The following LPAR3 variants were observed in gnomAD, a reference collection of about 807,000 sequenced individuals.
LPAR3 encodes LPA receptor 3.
Under a neutral mutation model 17.8 loss-of-function variants are expected in LPAR3, and 7 were observed. The ratio of observed to expected loss-of-function variants is 0.39; its 90% confidence interval spans 0.22 to 0.74. LPAR3 has a LOEUF of 0.74. Ranked by LOEUF, LPAR3 falls within the 30% of genes least tolerant of loss-of-function variation. The pLI is 0.40. For missense variants in LPAR3, 391 were observed against 453.4 expected (o/e 0.86, Z 1.25); for synonymous variants, 179 against 179.9 (o/e 0.99, Z 0.04).
chr1:84,851,051 G>A (rs1319208338), intron 2 of LPAR3, among the ~76,000 whole-genome samples: 1 of 152,212 alleles, frequency 6.6e-6, no homozygotes, highest in African/African-American at 2.4e-5. Flanking sequence ...ATGACCTGGG[G>A]CAGGTTTCCA....
intron 2 of LPAR3, among the ~76,000 whole-genome samples, chr1:84,854,715 A>G (rs1659786015): frequency 6.6e-6 from 1 of 152,248 alleles, no homozygotes; most frequent in Non-Finnish European, 1.5e-5. Context: ...AATGCAGAAA[A>G]AAACATAAAG....
At chr1:84,831,845 T>TATATAA (rs1553147091) in intron 2 of LPAR3, among the ~76,000 whole-genome samples, 1 of 148,552 alleles carries the variant, frequency 6.7e-6, no homozygotes, top group Non-Finnish European at 1.5e-5. Context: ...TATATATATA[T>TATATAA]AATATACATA....
At chr1:84,818,403 C>T (rs1379113780) in intron 2 of LPAR3, among the ~76,000 whole-genome samples, 1 of 152,056 alleles carries the variant, frequency 6.6e-6, no homozygotes. Context: ...AAAAAAATCA[C>T]GTCATTAAAG....
intron 1 of LPAR3, among the ~76,000 whole-genome samples, chr1:84,886,927 T>G (rs1378526616): frequency 6.6e-6 from 1 of 151,928 alleles, no homozygotes; most frequent in Non-Finnish European, 1.5e-5. Context: ...AGCATTAAAA[T>G]AAAAAACAAT....
At position 84,814,160 on chromosome 1, in the gene LPAR3, C is replaced by G. The variant is rs771500411; in HGVS notation, c.748G>C (p.Val250Leu). The change falls in exon 3 of 3, where the codon GTA becomes CTA. Residue 250 changes from valine (V) to leucine (L), a missense_variant. Physicochemically the swap from Val to Leu is conservative, Grantham distance 32 (BLOSUM62 1). Coordinates refer to ENST00000370611, the MANE Select transcript of LPAR3 (RefSeq NM_012152.3). ...TVMTVLGAFV[V>L]CWTPGLVVLL... ...ACCACCAGGCCCGGGGTCCAGCATA[C>G]CACAAACGCCCCTGCAAGGAGAGAA... The G allele has an allele frequency of 6.2e-7, 1 of 1,613,638 alleles. No homozygotes were observed. The highest frequency in any genetic ancestry group is 1.7e-5 in the Admixed American group (1 of 60,020).
chr1:84,865,326 C>T, intron 2 of LPAR3, 59 bp downstream of exon 2: 1 of 1,519,266 alleles, frequency 6.6e-7, no homozygotes, highest in Non-Finnish European at 8.9e-7. Context: ...ACCACAGATG[C>T]TCCGTAAAGA....
At chr1:84,864,799 G>GA (rs1349226765) in intron 2 of LPAR3, among the ~76,000 whole-genome samples, 78 of 150,078 alleles carry the variant, frequency 5.2e-4, no homozygotes, top group African/African-American at 1.8e-3. Flanking sequence ...AAAGAAAAAA[G>GA]AAAAAAAAAT....
chr1:84,839,678 T>A (rs1037363291), intron 2 of LPAR3, among the ~76,000 whole-genome samples: 5 of 108,416 alleles, frequency 4.6e-5, no homozygotes, highest in African/African-American at 2.0e-4. Context: ...AATAAATAAA[T>A]ACGTAAAATA....
At chr1:84,828,019 G>C (rs1158273521) in intron 2 of LPAR3, among the ~76,000 whole-genome samples, 1 of 152,162 alleles carries the variant, frequency 6.6e-6, no homozygotes, top group Non-Finnish European at 1.5e-5. Context: ...GGGTGGAGGG[G>C]AGGAGGGAGA....
rs1003449676 is a variant in LPAR3, at chr1:84,813,316, A to G, written c.*530T>C. The G allele has an allele frequency of 1.3e-5, 2 of 152,014 alleles. No individual in the cohort carries two copies. Among genetic ancestry groups the G allele is most frequent in the Admixed American group, 6.5e-5 (1 of 15,304 alleles). 9.4% of individuals were successfully genotyped at this position (152,014 alleles called of 1,614,324 possible). ...TTCCTTCAGTTAAAAATCAGGTTTAATCTGGAGCTCTTACTGATTTTTCTT... is the reference window on the plus strand; with the variant it reads ...TTCCTTCAGTTAAAAATCAGGTTTAGTCTGGAGCTCTTACTGATTTTTCTT... On this transcript the variant is annotated 3_prime_UTR_variant, in exon 3 of 3. Transcript: ENST00000370611.
intron 2 of LPAR3, among the ~76,000 whole-genome samples, chr1:84,856,738 G>T (rs944996552): frequency 1.3e-5 from 2 of 152,166 alleles, no homozygotes; most frequent in Admixed American, 6.5e-5. Context: ...GCAAGAGGGG[G>T]ACAGTTTCTT....
intron 2 of LPAR3, among the ~76,000 whole-genome samples, chr1:84,852,362 A>G (rs1306313583): frequency 1.3e-5 from 2 of 152,172 alleles, no homozygotes; most frequent in African/African-American, 4.8e-5. Context: ...TACAGGCATG[A>G]GCCACTATAC....
At chr1:84,818,361 G>C (rs1440465740) in intron 2 of LPAR3, among the ~76,000 whole-genome samples, 1 of 152,158 alleles carries the variant, frequency 6.6e-6, no homozygotes, top group East Asian at 1.9e-4. Context: ...ATTCAAAACA[G>C]AGTTTTGTGC....
At chr1:84,885,219 C>T (rs181119156) in intron 1 of LPAR3, among the ~76,000 whole-genome samples, 25 of 152,258 alleles carry the variant, frequency 1.6e-4, no homozygotes, top group Admixed American at 1.1e-3. Context: ...GAGAAGTATC[C>T]GGTCCAAAAT....
chr1:84,851,666 A>G (rs1370811119), intron 2 of LPAR3, among the ~76,000 whole-genome samples: 2 of 152,234 alleles, frequency 1.3e-5, no homozygotes, highest in African/African-American at 2.4e-5. Context: ...AAAGATGGAC[A>G]GGAGTTTGCC....
At chr1:84,867,842 A>G (rs1660083700) in intron 1 of LPAR3, among the ~76,000 whole-genome samples, 1 of 152,216 alleles carries the variant, frequency 6.6e-6, no homozygotes, top group Non-Finnish European at 1.5e-5. Context: ...TCCCCAAATT[A>G]AAAATACAGG....
chr1:84,889,558 T>C (rs542328833), intron 1 of LPAR3, among the ~76,000 whole-genome samples: 5 of 152,338 alleles, frequency 3.3e-5, no homozygotes, highest in Non-Finnish European at 7.3e-5. Flanking sequence ...CCTTCGATCA[T>C]GTAGTGTTGG....
chr1:84,835,999 C>T (rs577771978), intron 2 of LPAR3, among the ~76,000 whole-genome samples: 1 of 146,996 alleles, frequency 6.8e-6, no homozygotes, highest in African/African-American at 2.5e-5. Context: ...GCCCCCCCAA[C>T]CCCGGCCTTT....
intron 2 of LPAR3, among the ~76,000 whole-genome samples, chr1:84,823,258 A>G (rs1659091654): frequency 6.6e-6 from 1 of 152,222 alleles, no homozygotes; most frequent in African/African-American, 2.4e-5. Context: ...GACATTAAAG[A>G]ATTTGTTTAA....
Sources: allele counts gnomAD v4.1 joint callset (sites outside exome capture counted in the v4.1 genomes callset), GRCh38; gene constraint gnomAD v4.1.1; transcripts MANE v1.5; gene names NCBI Gene and HGNC (gene_info 2026-07-23, HGNC 2026-07-21).